Variants in KIAA2012 observed in about 807,000 individuals in gnomAD.
KIAA2012 encodes uncharacterized protein KIAA2012.
A neutral mutation model predicts 150.6 loss-of-function variants in KIAA2012; 125 were observed. The observed-to-expected ratio is 0.83, with a 90% CI of 0.72 to 0.96. The LOEUF (loss-of-function observed/expected upper bound fraction) is 0.96, where lower values mean the gene tolerates loss of function less well. KIAA2012 is among the 40% of genes least tolerant of loss of function. The pLI, the probability that KIAA2012 is intolerant of heterozygous loss-of-function variation, is 0.00. For synonymous variants in KIAA2012, 462 were observed against 504.7 expected (o/e 0.92, Z 1.13); for missense variants, 1,219 against 1,354.9 (o/e 0.90, Z 1.57).
chr2:202,194,744 A>C (rs561008765), intron 21 of KIAA2012, among the ~76,000 whole-genome samples: 1 of 152,170 alleles, frequency 6.6e-6, no homozygotes, highest in South Asian at 2.1e-4. Context: ...CTTTTTAAAA[A>C]ATTATTAGTT....
At position 202,109,584 on chromosome 2, in the gene KIAA2012, A is replaced by G. The variant is rs568490886; in HGVS notation, c.1475-29A>G. The G allele has an allele frequency of 7.6e-5, 113 of 1,492,020 alleles. No individual in the cohort carries two copies. The African/African-American group carries it at 1.6e-3, about 21-fold the overall frequency. The allele number at this position is 1,492,020 out of a possible 1,614,324, so 92.4% of individuals were successfully genotyped here. A position where few individuals can be genotyped will look rare whatever the true frequency, so the allele number is the denominator to read the frequency against. ...CTTCCTGCTGATTCTGTTTTCTCAC[A>G]CAGGCTTTTTCCCCTTTTGTTTTTA... On this transcript the variant is annotated intron_variant, in intron 9 of 23. Coordinates refer to ENST00000498697, the MANE Select transcript of KIAA2012 (RefSeq NM_001277372.4).
At chr2:202,160,769 G>T (rs1177752888) in intron 14 of KIAA2012, among the ~76,000 whole-genome samples, 1 of 152,078 alleles carries the variant, frequency 6.6e-6, no homozygotes, top group African/African-American at 2.4e-5. Context: ...GTATCATATG[G>T]TATGTTACAT....
At chr2:202,167,980 C>A (rs1574302714) in intron 15 of KIAA2012, among the ~76,000 whole-genome samples, 1 of 152,154 alleles carries the variant, frequency 6.6e-6, no homozygotes, top group African/African-American at 2.4e-5. Flanking sequence ...CTAGCACCAC[C>A]ACTTACTAGC....
At chr2:202,088,991 G>C (rs1689651439) in intron 2 of KIAA2012, among the ~76,000 whole-genome samples, 1 of 152,166 alleles carries the variant, frequency 6.6e-6, no homozygotes, top group African/African-American at 2.4e-5. Context: ...GTAAATCCAA[G>C]GCTCTTTCCC....
At chr2:202,107,028 A>G (rs1690213873) in intron 9 of KIAA2012, among the ~76,000 whole-genome samples, 2 of 152,124 alleles carry the variant, frequency 1.3e-5, no homozygotes, top group Admixed American at 6.5e-5. Flanking sequence ...TCTCTCAGGT[A>G]CTCCTCACAG....
chr2:202,144,527 A>C (rs1197805412), intron 13 of KIAA2012, among the ~76,000 whole-genome samples: 2 of 152,164 alleles, frequency 1.3e-5, no homozygotes, highest in South Asian at 2.1e-4. Context: ...CGAAAAAAAA[A>C]CAAAAGATAA....
intron 14 of KIAA2012, among the ~76,000 whole-genome samples, chr2:202,157,526 C>T (rs1691554537): frequency 6.6e-6 from 1 of 152,210 alleles, no homozygotes; most frequent in African/African-American, 2.4e-5. Context: ...AAAATAATCA[C>T]AGTTGCTAAC....
chr2:202,164,289 G>C (rs1691714070), intron 14 of KIAA2012, among the ~76,000 whole-genome samples: 1 of 152,320 alleles, frequency 6.6e-6, no homozygotes, highest in Non-Finnish European at 1.5e-5. Context: ...CTCTAGAGAA[G>C]AGCATGATTC....
rs1372981681 is a variant in KIAA2012, at chr2:202,187,088, A to T, written c.2366A>T (p.Asn789Ile). 1 of 1,550,562 alleles carries T rather than the reference A, an allele frequency of 6.4e-7. No homozygotes were observed. Among genetic ancestry groups the T allele is most frequent in the East Asian group, 2.4e-5 (1 of 40,922 alleles). Reference sequence around the variant, plus strand: ...CTGTTTAGCCAGGAGACATCAGCCAACATCAGTCATGTGAGTGTAAACCCC... The same window carrying T: ...CTGTTTAGCCAGGAGACATCAGCCATCATCAGTCATGTGAGTGTAAACCCC... Reference protein sequence around the residue: ...PRLFSQETSANISHERDLINE... With the variant: ...PRLFSQETSAIISHERDLINE... The change falls in exon 17 of 24, where the codon AAC (asparagine) becomes ATC (isoleucine). Residue 789 changes from asparagine to isoleucine, a missense_variant. Physicochemically the swap from Asn to Ile is moderately radical, Grantham distance 149. Transcript: ENST00000498697.
chr2:202,176,544 G>A (rs1263855976), intron 15 of KIAA2012, among the ~76,000 whole-genome samples: 3 of 152,172 alleles, frequency 2.0e-5, no homozygotes, highest in Non-Finnish European at 4.4e-5. Context: ...AAGACAACAT[G>A]AAGTTAAAAG....
At chr2:202,161,539 A>G (rs1416151661) in intron 14 of KIAA2012, among the ~76,000 whole-genome samples, 3 of 151,862 alleles carry the variant, frequency 2.0e-5, no homozygotes, top group Non-Finnish European at 2.9e-5. Context: ...CCCCGCACCA[A>G]ACTATCCCCT....
chr2:202,113,387 A>G lies in KIAA2012; in HGVS notation c.1703A>G (p.Glu568Gly). 6.4e-7 allele frequency: 1 copy of G among 1,550,578 alleles called. No homozygotes were observed. The highest frequency in any genetic ancestry group is 8.7e-7 in the Non-Finnish European group (1 of 1,146,972). The change falls in exon 11 of 24, where the codon GAA (glutamate) becomes GGA (glycine). Residue 568 changes from glutamate to glycine, a missense_variant. Coordinates refer to ENST00000498697, the MANE Select transcript of KIAA2012 (RefSeq NM_001277372.4). ...LGHFLLGPDG[E>G]KVCLSLPGHT... is the part of the protein sequence containing the mutation. ...CACTTCTTGCTGGGTCCAGATGGAGAAAAAGTCTGCCTGTCCCTCCCAGGG... is the reference window on the plus strand; with the variant it reads ...CACTTCTTGCTGGGTCCAGATGGAGGAAAAGTCTGCCTGTCCCTCCCAGGG...
intron 12 of KIAA2012, among the ~76,000 whole-genome samples, chr2:202,130,115 G>A (rs1023595357): frequency 9.2e-5 from 14 of 152,142 alleles, no homozygotes; most frequent in South Asian, 2.1e-4. Flanking sequence ...GCTGGGACTC[G>A]TGATGGAAGT....
chr2:202,152,947 G>A (rs756582354), intron 13 of KIAA2012, among the ~76,000 whole-genome samples: 23 of 151,982 alleles, frequency 1.5e-4, no homozygotes, highest in Non-Finnish European at 3.1e-4. Flanking sequence ...CCACACTCAG[G>A]GTGATCTCAT....
chr2:202,084,943 AC>A (rs1181725570), intron 2 of KIAA2012, among the ~76,000 whole-genome samples: 5 of 152,258 alleles, frequency 3.3e-5, no homozygotes, highest in African/African-American at 1.2e-4. Flanking sequence ...TTCCATCATG[AC>A]TATACACAGG....
At chr2:202,153,027 AACCAGTGCT>A (rs764198582) in intron 13 of KIAA2012, among the ~76,000 whole-genome samples, 2 of 152,200 alleles carry the variant, frequency 1.3e-5, no homozygotes, top group African/African-American at 4.8e-5. Flanking sequence ...GGAAATGAGG[AACCAGTGCT>A]ACCTAGAGGA....
At chr2:202,200,459 C>T (rs1314014055) in intron 22 of KIAA2012, among the ~76,000 whole-genome samples, 4 of 151,896 alleles carry the variant, frequency 2.6e-5, no homozygotes, top group Non-Finnish European at 5.9e-5. Context: ...TCAGAGGATC[C>T]TTATGAAAGA....
intron 13 of KIAA2012, among the ~76,000 whole-genome samples, chr2:202,144,219 A>G (rs193006200): frequency 5.9e-5 from 9 of 152,238 alleles, no homozygotes; most frequent in Admixed American, 5.9e-4. Context: ...TAGAACTTTG[A>G]TAGTATCCTA....
intron 13 of KIAA2012, among the ~76,000 whole-genome samples, chr2:202,150,546 T>C (rs1463200271): frequency 1.3e-5 from 2 of 152,174 alleles, no homozygotes; most frequent in Non-Finnish European, 2.9e-5. Flanking sequence ...CCTCCTGGGT[T>C]CAGGCAATTC....
Sources: allele counts gnomAD v4.1 joint callset (sites outside exome capture counted in the v4.1 genomes callset), GRCh38; gene constraint gnomAD v4.1.1; transcripts MANE v1.5; gene names NCBI Gene and HGNC (gene_info 2026-07-23, HGNC 2026-07-21).